GNG7: variants seen among roughly 807,000 people sequenced by gnomAD.
The protein encoded by GNG7 is guanine nucleotide-binding protein G(I)/G(S)/G(O) subunit gamma-7.
Under a neutral mutation model 4.0 loss-of-function variants are expected in GNG7, and 1 was observed. The observed-to-expected ratio is 0.25, with a 90% CI of 0.09 to 1.18. The LOEUF is 1.18. Among genes scored for constraint, GNG7 ranks in the 50% most tolerant of loss-of-function variants. The pLI, the probability that GNG7 is intolerant of heterozygous loss-of-function variation, is 0.50. For synonymous variants in GNG7, 34 were observed against 36.9 expected (o/e 0.92, Z 0.29); for missense variants, 86 against 91.9 (o/e 0.94, Z 0.26).
rs372837267 is a variant in GNG7, at chr19:2,659,754, G to A, written c.-134-13474C>T. 6.5e-4 allele frequency among the ~76,000 whole-genome samples: 87 copies of A among 133,956 alleles called. No individual in the cohort carries two copies. In the South Asian group the frequency reaches 0.025, roughly 38 times the overall value. The allele number at this position is 133,956 out of a possible 152,430, so 87.9% of individuals were successfully genotyped here. A position where few individuals can be genotyped will look rare whatever the true frequency, so the allele number is the denominator to read the frequency against. On this transcript the variant is annotated intron_variant, in intron 1 of 4. Transcript: ENST00000382159. Reference sequence around the variant, plus strand: ...TGAGTGTGAGCGAGGGAGGGATGGAGGAAGGAAGGAAGGGAGGGAGGGAGG... The same window carrying A: ...TGAGTGTGAGCGAGGGAGGGATGGAAGAAGGAAGGAAGGGAGGGAGGGAGG...
chr19:2,658,785 T>C (rs1983062040), intron 1 of GNG7, among the ~76,000 whole-genome samples: 1 of 152,178 alleles, frequency 6.6e-6, no homozygotes, highest in South Asian at 2.1e-4. Context: ...TTGTAACAAA[T>C]GTAGCACATT....
intron 3 of GNG7, chr19:2,538,678 C>G (rs763370606): frequency 8.7e-5 from 40 of 459,846 alleles, no homozygotes; most frequent in Non-Finnish European, 1.8e-4. Flanking sequence ...TTACAAGGTT[C>G]ACTACTCTAA....
At chr19:2,623,835 C>T (rs901984331) in intron 2 of GNG7, among the ~76,000 whole-genome samples, 1 of 151,866 alleles carries the variant, frequency 6.6e-6, no homozygotes, top group Admixed American at 6.5e-5. Context: ...GAGCCGAGGT[C>T]GCACCGCTGC....
Position 2,634,608 on chromosome 19 carries a change from C to G in GNG7, c.-78+11616G>C, listed in dbSNP as rs755073214. The stretch of plus-strand genomic sequence containing the variant: ...CTTGCGGGCTGCACACACGTTTTCT[C>G]TCGGGGAGGGTGGTAGCAATGAGCT... On this transcript the variant is annotated intron_variant, in intron 2 of 4. Transcript: ENST00000382159. This position sits in a 1 kb window ranked among gnomAD's most constrained non-coding sequence, Gnocchi z 5.3. Among the ~76,000 whole-genome samples, 111 of 152,248 alleles carry G rather than the reference C, an allele frequency of 7.3e-4. No individual in the cohort carries two copies. Among genetic ancestry groups the G allele is most frequent in the Non-Finnish European group, 1.1e-3 (78 of 68,018 alleles).
intron 2 of GNG7, chr19:2,642,541 T>A (rs969426796): frequency 2.8e-6 from 1 of 350,930 alleles, no homozygotes; most frequent in Non-Finnish European, 5.6e-6. Flanking sequence ...AATTTCTGTA[T>A]TTTTTGTAGA....
At position 2,511,363 on chromosome 19, in the gene GNG7, G is replaced by T. The variant is rs1972652762; in HGVS notation, c.*3659C>A. The T allele has an allele frequency of 6.6e-6, 1 of 152,338 alleles. No individual in the cohort carries two copies. The highest frequency in any genetic ancestry group is 1.5e-5 in the Non-Finnish European group (1 of 68,116). 9.4% of individuals were successfully genotyped at this position (152,338 alleles called of 1,614,324 possible). A position where few individuals can be genotyped will look rare whatever the true frequency, so the allele number is the denominator to read the frequency against. ...AATAAAAACAACCAGACATCCCAAT[G>T]CAGATGGCATAGAACCTGCTAGAAC... On this transcript the variant is annotated 3_prime_UTR_variant, in exon 5 of 5. Coordinates refer to ENST00000382159, the MANE Select transcript of GNG7 (RefSeq NM_052847.3). The surrounding 1 kb of genome is among the most constrained non-coding windows in gnomAD (Gnocchi z 6.3).
intron 2 of GNG7, among the ~76,000 whole-genome samples, chr19:2,598,216 G>C (rs191007797): frequency 3.9e-5 from 6 of 152,246 alleles, no homozygotes; most frequent in Middle Eastern, 6.8e-3. Context: ...AGGACCAAAA[G>C]AACTCACAAT....
chr19:2,536,917 A>C (rs1978755319), intron 3 of GNG7, among the ~76,000 whole-genome samples: 1 of 151,034 alleles, frequency 6.6e-6, no homozygotes, highest in African/African-American at 2.4e-5. Flanking sequence ...CAGATAATAA[A>C]ATATATATAC....
chr19:2,567,448 C>A (rs1979957073), intron 2 of GNG7, among the ~76,000 whole-genome samples: 1 of 151,930 alleles, frequency 6.6e-6, no homozygotes, highest in South Asian at 2.1e-4. Context: ...GCCTCAGCCT[C>A]CTGAGCAGCT....
chr19:2,520,075 G>C (rs1052178279), intron 4 of GNG7, among the ~76,000 whole-genome samples: 18 of 152,194 alleles, frequency 1.2e-4, no homozygotes, highest in Non-Finnish European at 2.6e-4. Flanking sequence ...CAGCTATTTG[G>C]GAGGTTGAGG....
At chr19:2,515,265 G>A in intron 4 of GNG7, 118 bp from the exon 5 acceptor site, 2 of 1,267,012 alleles carry the variant, frequency 1.6e-6, no homozygotes, top group Non-Finnish European at 2.2e-6. Context: ...GCCCATTGAT[G>A]GGGGCGTGGG....
intron 2 of GNG7, among the ~76,000 whole-genome samples, chr19:2,580,821 G>A (rs1295552263): frequency 1.3e-5 from 2 of 151,868 alleles, no homozygotes. Context: ...CTGGAGTGCA[G>A]TGGTGCAATC....
At chr19:2,521,798 C>T (rs1212000420) in intron 3 of GNG7, among the ~76,000 whole-genome samples, 5 of 151,656 alleles carry the variant, frequency 3.3e-5, no homozygotes, top group African/African-American at 1.2e-4. Context: ...ATTTTTAGTA[C>T]AGACAGCGTT....
chr19:2,671,597 C>T (rs932551873), intron 1 of GNG7, among the ~76,000 whole-genome samples: 2 of 151,888 alleles, frequency 1.3e-5, no homozygotes, highest in African/African-American at 2.4e-5. Flanking sequence ...AGCCCTGAGG[C>T]GGGAAGGTGA....
intron 2 of GNG7, among the ~76,000 whole-genome samples, chr19:2,564,150 G>A (rs1340400701): frequency 2.6e-5 from 4 of 152,170 alleles, no homozygotes; most frequent in Admixed American, 6.6e-5. Context: ...AAAAGCTCAC[G>A]TCCTCCTGGA....
intron 1 of GNG7, among the ~76,000 whole-genome samples, chr19:2,682,299 G>C (rs1983758530): frequency 1.3e-5 from 2 of 152,158 alleles, no homozygotes; most frequent in African/African-American, 2.4e-5. Context: ...AAATGTGCAA[G>C]GAAACGTGGC....
intron 1 of GNG7, among the ~76,000 whole-genome samples, chr19:2,662,674 TG>T (rs1983210748): frequency 1.3e-5 from 2 of 152,206 alleles, no homozygotes; most frequent in Admixed American, 6.5e-5. Context: ...GGAACCTCCA[TG>T]TGCTCAGCTA....
chr19:2,646,442 C>G (rs867413425), intron 1 of GNG7, among the ~76,000 whole-genome samples, 162 bp from the exon 2 acceptor site: 19 of 152,310 alleles, frequency 1.2e-4, no homozygotes, highest in Admixed American at 7.2e-4. Flanking sequence ...AATCCCAGCA[C>G]TTTGGGAGGC....
At chr19:2,589,511 T>C (rs1980777251) in intron 2 of GNG7, among the ~76,000 whole-genome samples, 1 of 151,014 alleles carries the variant, frequency 6.6e-6, no homozygotes, top group African/African-American at 2.4e-5. Context: ...TGAGCCACCA[T>C]GCCTGGCCTC....
Sources: allele counts gnomAD v4.1 joint callset (sites outside exome capture counted in the v4.1 genomes callset), GRCh38; gene constraint gnomAD v4.1.1; non-coding constraint Gnocchi (gnomAD v3.1); transcripts MANE v1.5; gene names NCBI Gene and HGNC (gene_info 2026-07-23, HGNC 2026-07-21).